Variants in SPEF2 observed in about 807,000 individuals in gnomAD.
SPEF2 encodes the protein sperm flagella and cilia-associated protein 2.
Under a neutral mutation model 224.6 loss-of-function variants are expected in SPEF2, and 187 were observed. That is an observed-to-expected ratio of 0.83 (90% CI 0.74 to 0.94). SPEF2 has a LOEUF of 0.94. Ranked by LOEUF, SPEF2 falls within the 40% of genes least tolerant of loss-of-function variation. The probability of loss-of-function intolerance (pLI) is 0.00; values close to 1 mark genes in which losing one functional copy is unlikely to be tolerated. For synonymous variants in SPEF2, 715 were observed against 707.3 expected, an observed-to-expected ratio of 1.01 and a Z score of -0.17; for missense variants, 2,170 against 2,135.6, an observed-to-expected ratio of 1.02 and a Z score of -0.32.
Position 35,705,656 on chromosome 5 carries a change from T to C in SPEF2, c.2513T>C (p.Ile838Thr), listed in dbSNP as rs780887046. Residue 838 changes from isoleucine (I) to threonine (T), a missense_variant, in exon 18 of 37, where the codon ATA becomes ACA. Physicochemically the swap from Ile to Thr is moderately conservative, Grantham distance 89 (BLOSUM62 -1). Transcript: ENST00000356031. ...NLRDQIQHRI[I>T]GFLDNWPLLE... ...ATCATATTTTGATTTTGCAGAATTA[T>C]AGGCTTCTTGGACAACTGGCCTTTA... 3 of 1,578,250 alleles carry C rather than the reference T, an allele frequency of 1.9e-6. No individual in the cohort carries two copies. Among genetic ancestry groups the C allele is most frequent in the African/African-American group, 1.4e-5 (1 of 72,538 alleles).
intron 7 of SPEF2, 104 bp downstream of exon 7, chr5:35,654,830 T>G (rs1748738672): frequency 1.1e-6 from 1 of 949,182 alleles, no homozygotes; most frequent in Admixed American, 3.0e-5. Context: ...TCTGCTACTC[T>G]GCATCAAATG....
intron 2 of SPEF2, 106 bp from the exon 3 acceptor site, chr5:35,641,325 A>C (rs930323581): frequency 5.4e-6 from 7 of 1,286,838 alleles, no homozygotes; most frequent in African/African-American, 1.5e-5. Flanking sequence ...AGCTAAAAGG[A>C]CATGAAATAA....
At chr5:35,808,060 G>C in intron 36 of SPEF2, 1 of 1,079,498 alleles carries the variant, frequency 9.3e-7, no homozygotes, top group Non-Finnish European at 1.1e-6. Context: ...TGTGTATCTT[G>C]ACTTCTCAAT....
chr5:35,737,884 T>C (rs1164072641), intron 21 of SPEF2, among the ~76,000 whole-genome samples: 1 of 152,182 alleles, frequency 6.6e-6, no homozygotes, highest in Non-Finnish European at 1.5e-5. Context: ...TGTTGTTTCC[T>C]GACTTTTTAA....
At position 35,807,111 on chromosome 5, in the gene SPEF2, A is replaced by G; in HGVS notation, c.5257-20A>G. On this transcript the variant is annotated intron_variant, in intron 35 of 36. Coordinates refer to ENST00000356031, the MANE Select transcript of SPEF2 (RefSeq NM_024867.4). ...CTGGATTGTGAGGTTGATTAACTTC[A>G]TTTTTTTTCTTCCTTAAAGGGCTTC... 6.3e-7 allele frequency: 1 copy of G among 1,597,600 alleles called. No homozygotes were observed.
intron 10 of SPEF2, among the ~76,000 whole-genome samples, chr5:35,679,114 A>C (rs140786435): frequency 6.6e-6 from 1 of 152,156 alleles, no homozygotes; most frequent in Non-Finnish European, 1.5e-5. Context: ...TCTGAGTGCC[A>C]TATTACCCAG....
At chr5:35,779,072 T>G in intron 29 of SPEF2, 45 bp from the exon 30 acceptor site, 1 of 1,417,322 alleles carries the variant, frequency 7.1e-7, no homozygotes, top group Non-Finnish European at 9.7e-7. Context: ...ATTAATCTAA[T>G]AGTATCTTTC....
intron 2 of SPEF2, among the ~76,000 whole-genome samples, chr5:35,630,164 C>T (rs943736393): frequency 2.0e-5 from 3 of 152,172 alleles, no homozygotes; most frequent in African/African-American, 7.2e-5. Flanking sequence ...TACAACCCCC[C>T]TCCTGGCTGC....
At chr5:35,779,005 T>A in intron 29 of SPEF2, 112 bp from the exon 30 acceptor site, 1 of 631,054 alleles carries the variant, frequency 1.6e-6, no homozygotes, top group Non-Finnish European at 2.5e-6. Context: ...CAGATGGAGT[T>A]GTCTAAGAGC....
intron 20 of SPEF2, among the ~76,000 whole-genome samples, chr5:35,715,816 C>CCTTTTTTTTTTTTTT (rs70973054): frequency 8.5e-6 from 1 of 117,936 alleles, no homozygotes; most frequent in African/African-American, 3.2e-5. Context: ...GATATAATTT[C>CCTTTTTTTTTTTTTT]TTTTTTTTTT....
intron 28 of SPEF2, among the ~76,000 whole-genome samples, chr5:35,774,864 T>G (rs1288599016): frequency 6.6e-6 from 1 of 152,154 alleles, no homozygotes; most frequent in Non-Finnish European, 1.5e-5. Context: ...CTGAAGTCAG[T>G]TGAACACAGG....
intron 28 of SPEF2, among the ~76,000 whole-genome samples, chr5:35,775,942 C>T (rs1753559863): frequency 6.6e-6 from 1 of 152,050 alleles, no homozygotes. Flanking sequence ...AAGCACGGTC[C>T]CCACTCCCTT....
intron 23 of SPEF2, among the ~76,000 whole-genome samples, chr5:35,753,388 G>A (rs1749971848): frequency 1.3e-5 from 2 of 152,064 alleles, no homozygotes; most frequent in Non-Finnish European, 2.9e-5. Flanking sequence ...AATGTAGTGG[G>A]TTTTTGGTAG....
chr5:35,740,541 C>T (rs1210985829), intron 23 of SPEF2, among the ~76,000 whole-genome samples: 1 of 152,152 alleles, frequency 6.6e-6, no homozygotes, highest in African/African-American at 2.4e-5. Flanking sequence ...GTCCCTTAGT[C>T]TCTTTGTGGG....
At chr5:35,748,195 A>T (rs532807834) in intron 23 of SPEF2, among the ~76,000 whole-genome samples, 3 of 152,270 alleles carry the variant, frequency 2.0e-5, no homozygotes, top group Non-Finnish European at 4.4e-5. Context: ...CTAAGAGGAA[A>T]GTTCATAGCC....
chr5:35,668,094 G>C (rs984030863), intron 9 of SPEF2, among the ~76,000 whole-genome samples: 1 of 152,072 alleles, frequency 6.6e-6, no homozygotes, highest in Non-Finnish European at 1.5e-5. Flanking sequence ...CTGGAAAACA[G>C]TTTGGCAATT....
At chr5:35,775,596 G>A (rs1753503400) in intron 28 of SPEF2, among the ~76,000 whole-genome samples, 2 of 152,056 alleles carry the variant, frequency 1.3e-5, no homozygotes, top group South Asian at 4.1e-4. Context: ...GGAAAATTAT[G>A]AGCAGTAAAG....
rs147855827 is a variant in SPEF2 at position 35,667,243 on chromosome 5, C to G, written c.1339C>G (p.Arg447Gly). ...TTTGTCCACTAAAGTGGCAGACTAT[C>G]GAATGTTGACAAATAAGTAAGTATT... ...VDLSTKVADYRMLTNNLIPYK... is the reference protein window; with the variant it reads ...VDLSTKVADYGMLTNNLIPYK... The change falls in exon 9 of 37, where the codon CGA becomes GGA. Residue 447 changes from arginine to glycine, a missense_variant. Physicochemically the swap from Arg to Gly is moderately radical, Grantham distance 125. Transcript: ENST00000356031. 3 of 1,594,912 alleles carry G rather than the reference C, an allele frequency of 1.9e-6. No homozygotes were observed. The highest frequency in any genetic ancestry group is 2.6e-6 in the Non-Finnish European group (3 of 1,169,498).
At chr5:35,704,177 C>T (rs1242338753) in intron 16 of SPEF2, among the ~76,000 whole-genome samples, 1 of 152,026 alleles carries the variant, frequency 6.6e-6, no homozygotes, top group Non-Finnish European at 1.5e-5. Context: ...AATTTGTATG[C>T]ATATTTGACG....
Sources: allele counts gnomAD v4.1 joint callset (sites outside exome capture counted in the v4.1 genomes callset), GRCh38; gene constraint gnomAD v4.1.1; transcripts MANE v1.5; gene names NCBI Gene and HGNC (gene_info 2026-07-23, HGNC 2026-07-21).